The following ASIC2 variants were observed in gnomAD, a reference collection of about 807,000 sequenced individuals.
ASIC2 encodes acid-sensing ion channel 2.
A neutral mutation model predicts 57.3 loss-of-function variants in ASIC2; 25 were observed. That is an observed-to-expected ratio of 0.44 (90% CI 0.32 to 0.61). The LOEUF is 0.61. Among genes scored for constraint, ASIC2 ranks in the 20% least tolerant of loss-of-function variants. The pLI, the probability that ASIC2 is intolerant of heterozygous loss-of-function variation, is 0.06. For missense variants in ASIC2, 641 were observed against 738.1 expected (o/e 0.87, Z 1.52); for synonymous variants, 319 against 307.5 (o/e 1.04, Z -0.39).
chr17:34,035,799 C>A (rs1273799465), intron 1 of ASIC2, among the ~76,000 whole-genome samples: 1 of 152,120 alleles, frequency 6.6e-6, no homozygotes, highest in African/African-American at 2.4e-5. Context: ...CCATCACTGG[C>A]CATCAGAGAA....
intron 1 of ASIC2, among the ~76,000 whole-genome samples, chr17:33,324,478 T>C (rs1385078019): frequency 1.3e-5 from 2 of 151,970 alleles, no homozygotes; most frequent in Non-Finnish European, 2.9e-5. Flanking sequence ...CAGGATACAG[T>C]ATATGACAGA....
At chr17:33,237,287 A>G (rs1908327525) in intron 1 of ASIC2, among the ~76,000 whole-genome samples, 1 of 151,676 alleles carries the variant, frequency 6.6e-6, no homozygotes, top group African/African-American at 2.4e-5. Flanking sequence ...AGGCCACAGC[A>G]GGGTTTGTGG....
chr17:34,088,704 C>T (rs1910206441), intron 1 of ASIC2, among the ~76,000 whole-genome samples: 2 of 152,234 alleles, frequency 1.3e-5, no homozygotes, highest in African/African-American at 4.8e-5. Flanking sequence ...TTCAAGCTTC[C>T]CGGCTGCTTT....
At chr17:33,604,550 A>G (rs1300295073) in intron 1 of ASIC2, among the ~76,000 whole-genome samples, 1 of 152,198 alleles carries the variant, frequency 6.6e-6, no homozygotes, top group Non-Finnish European at 1.5e-5. Context: ...AACACAAATG[A>G]CAGCACAACA....
At chr17:33,927,423 G>T (rs1287415912) in intron 1 of ASIC2, among the ~76,000 whole-genome samples, 1 of 152,166 alleles carries the variant, frequency 6.6e-6, no homozygotes, top group African/African-American at 2.4e-5. Context: ...ACATTCTCAT[G>T]AACAGAAATA....
At chr17:33,265,040 T>C (rs1411480486) in intron 1 of ASIC2, among the ~76,000 whole-genome samples, 1 of 152,154 alleles carries the variant, frequency 6.6e-6, no homozygotes, top group Non-Finnish European at 1.5e-5. Context: ...GAGCTAAAGG[T>C]GAAGAACCAT....
intron 1 of ASIC2, among the ~76,000 whole-genome samples, chr17:33,544,997 G>C (rs1454465561): frequency 1.3e-5 from 2 of 152,228 alleles, no homozygotes; most frequent in South Asian, 4.1e-4. Flanking sequence ...GCTGGGAACT[G>C]TCTTACTTGA....
chr17:33,047,334 T>TC (rs1207277283), intron 3 of ASIC2, among the ~76,000 whole-genome samples: 1 of 151,858 alleles, frequency 6.6e-6, no homozygotes, highest in African/African-American at 2.4e-5. Flanking sequence ...TACAGATCCC[T>TC]CCCCCCACTT....
chr17:34,039,637 G>A, intron 1 of ASIC2: 1 of 1,613,176 alleles, frequency 6.2e-7, no homozygotes. Context: ...ATGTCCCCTA[G>A]GAGTGCCTTT....
intron 1 of ASIC2, among the ~76,000 whole-genome samples, chr17:33,238,036 T>G (rs1338796612): frequency 6.6e-6 from 1 of 152,186 alleles, no homozygotes; most frequent in Non-Finnish European, 1.5e-5. Context: ...TCAAACCCGG[T>G]AGGCCTGTGT....
In ASIC2 at chr17:33,685,191, C is replaced by G. The variant is rs571603072; in HGVS notation, c.555+470787G>C. On this transcript the variant is annotated intron_variant, in intron 1 of 9. Coordinates refer to the ASIC2 transcript ENST00000359872. ...AGATTTCCCCCCTCCCCAACCCTCTCTAAGGCAGCAGGTGCGTTTGTTGCT... is the reference window on the plus strand; with the variant it reads ...AGATTTCCCCCCTCCCCAACCCTCTGTAAGGCAGCAGGTGCGTTTGTTGCT... Among the ~76,000 whole-genome samples, 12 of 152,330 alleles carry G rather than the reference C, an allele frequency of 7.9e-5. No individual in the cohort carries two copies. The South Asian group carries it at 2.5e-3, about 32-fold the overall frequency.
Position 33,107,270 on chromosome 17 carries a change from T to C in ASIC2, c.859+4647A>G, listed in dbSNP as rs151174604. 2.9e-3 allele frequency among the ~76,000 whole-genome samples: 441 copies of C among 152,334 alleles called. 6 individuals are homozygous for C. Among genetic ancestry groups the C allele is most frequent in the African/African-American group, 0.01 (417 of 41,578 alleles). On this transcript the variant is annotated intron_variant, in intron 2 of 9. Transcript: ENST00000225823. ...TTTTCAAAACTATATTCTGTGAGCT[T>C]TTCCATGAAAACGAAGGTTTCTGTG...
At chr17:34,133,098 T>C (rs4795868) in intron 1 of ASIC2, among the ~76,000 whole-genome samples, 115,197 of 152,168 alleles carry the variant, frequency 0.76, 43,707 homozygotes, top group South Asian at 0.85. Context: ...AGACTCAGTG[T>C]TGGGCATCAA....
chr17:33,072,061 T>C (rs1376865433), intron 3 of ASIC2, among the ~76,000 whole-genome samples: 2 of 152,152 alleles, frequency 1.3e-5, no homozygotes, highest in Admixed American at 1.3e-4. Context: ...TGTGAAGTCC[T>C]CTCCTCTCTG....
chr17:33,029,551 G>A (rs1485363322), intron 3 of ASIC2, among the ~76,000 whole-genome samples: 1 of 152,138 alleles, frequency 6.6e-6, no homozygotes, highest in African/African-American at 2.4e-5. Context: ...GCATTTGGAT[G>A]GTTTCCAGTT....
intron 6 of ASIC2, among the ~76,000 whole-genome samples, chr17:33,022,659 A>T (rs1359974375): frequency 6.6e-6 from 1 of 152,188 alleles, no homozygotes; most frequent in Non-Finnish European, 1.5e-5. Flanking sequence ...GCTTCCATTC[A>T]TTTATTCTGT....
chr17:34,062,687 T>C (rs142954993), intron 1 of ASIC2, among the ~76,000 whole-genome samples: 257 of 152,160 alleles, frequency 1.7e-3, no homozygotes, highest in African/African-American at 5.9e-3. Context: ...AAAAAGTATA[T>C]ATTACAACTG....
At chr17:33,835,239 C>G (rs1483982589) in intron 1 of ASIC2, among the ~76,000 whole-genome samples, 1 of 152,192 alleles carries the variant, frequency 6.6e-6, no homozygotes, top group Admixed American at 6.5e-5. Context: ...TGAATTTGGA[C>G]AGGTTACTGT....
intron 1 of ASIC2, among the ~76,000 whole-genome samples, chr17:34,057,452 G>A (rs1908811162): frequency 6.6e-6 from 1 of 152,230 alleles, no homozygotes. Context: ...CGCAGTAGAG[G>A]TGTGAGTGCC....
Sources: allele counts gnomAD v4.1 joint callset (sites outside exome capture counted in the v4.1 genomes callset), GRCh38; gene constraint gnomAD v4.1.1; transcripts MANE v1.5; gene names NCBI Gene and HGNC (gene_info 2026-07-23, HGNC 2026-07-21).